The following CNTNAP5 variants were observed in gnomAD, a reference collection of about 807,000 sequenced individuals.
CNTNAP5 encodes the protein contactin associated protein family member 5, also known as contactin-associated protein-like 5.
CNTNAP5 carries 72 observed loss-of-function variants against 150.2 expected under a neutral mutation model. The ratio of observed to expected loss-of-function variants is 0.48; its 90% CI spans 0.40 to 0.58. CNTNAP5 has a LOEUF of 0.58. Among genes scored for constraint, CNTNAP5 ranks in the 20% least tolerant of loss-of-function variants. The probability of loss-of-function intolerance (pLI) is 0.00; values close to 1 mark genes in which losing one functional copy is unlikely to be tolerated. For synonymous variants in CNTNAP5, 672 were observed against 619.8 expected, an observed-to-expected ratio of 1.08 and a Z score of -1.25; for missense variants, 1,636 against 1,626.2, an observed-to-expected ratio of 1.01 and a Z score of -0.10.
chr2:124,250,605 G>A (rs1018943261), intron 3 of CNTNAP5, among the ~76,000 whole-genome samples: 1 of 151,944 alleles, frequency 6.6e-6, no homozygotes, highest in Non-Finnish European at 1.5e-5. Flanking sequence ...ACCCAAGCAG[G>A]CTCATTAGGG....
At chr2:124,126,909 T>G (rs1683718509) in intron 1 of CNTNAP5, among the ~76,000 whole-genome samples, 1 of 152,152 alleles carries the variant, frequency 6.6e-6, no homozygotes, top group African/African-American at 2.4e-5. Flanking sequence ...GGGACGTATC[T>G]CAAAATAATA....
intron 11 of CNTNAP5, among the ~76,000 whole-genome samples, chr2:124,607,026 G>C (rs954508214): frequency 6.6e-6 from 1 of 151,904 alleles, no homozygotes; most frequent in Non-Finnish European, 1.5e-5. Flanking sequence ...GCCATATGTG[G>C]ATTGTGTCTT....
Position 124,220,370 on chromosome 2 carries a change from G to A in CNTNAP5, c.83-1335G>A, listed in dbSNP as rs60680984. Among the ~76,000 whole-genome samples the A allele has an allele frequency of 1.5e-3, 221 of 152,124 alleles. 1 individual carries two copies. The highest frequency in any genetic ancestry group is 4.9e-3 in the African/African-American group (205 of 41,516). On this transcript the variant is annotated intron_variant, in intron 1 of 23. Transcript: ENST00000682447. The stretch of plus-strand genomic sequence containing the variant: ...TAATTGGCTGGTAGATTGACTGATC[G>A]ATCCTGCCTCCCATTCTTTCCTTTC...
At chr2:124,429,023 GA>G (rs1436498310) in intron 4 of CNTNAP5, among the ~76,000 whole-genome samples, 1 of 152,074 alleles carries the variant, frequency 6.6e-6, no homozygotes, top group Non-Finnish European at 1.5e-5. Flanking sequence ...CACAAATAAA[GA>G]TTTTGATTTC....
intron 4 of CNTNAP5, among the ~76,000 whole-genome samples, chr2:124,418,962 G>A (rs1190982918): frequency 6.7e-6 from 1 of 148,946 alleles, no homozygotes; most frequent in African/African-American, 2.5e-5. Flanking sequence ...GTGAAACCCC[G>A]TCTCTACTAA....
chr2:124,875,678 C>T (rs937251460), intron 21 of CNTNAP5, among the ~76,000 whole-genome samples: 3 of 147,466 alleles, frequency 2.0e-5, no homozygotes, highest in South Asian at 4.3e-4. Context: ...GTTGTAGAAA[C>T]GTAAAAGAGA....
At chr2:124,909,563 C>A (rs996434808) in intron 22 of CNTNAP5, among the ~76,000 whole-genome samples, 2 of 151,914 alleles carry the variant, frequency 1.3e-5, no homozygotes, top group African/African-American at 4.8e-5. Context: ...ACAAGAATAA[C>A]AAGCACAGTG....
chr2:124,437,211 G>A (rs185903566), intron 5 of CNTNAP5, among the ~76,000 whole-genome samples: 54 of 152,190 alleles, frequency 3.5e-4, no homozygotes, highest in African/African-American at 1.2e-3. Flanking sequence ...TTAGGAACAG[G>A]GTTTTCATCT....
chr2:124,465,353 AT>A (rs113474559), intron 6 of CNTNAP5, among the ~76,000 whole-genome samples: 1 of 152,084 alleles, frequency 6.6e-6, no homozygotes, highest in African/African-American at 2.4e-5. Context: ...AATACCTGGC[AT>A]TTTTGACCAC....
At chr2:124,594,725 G>A (rs371026360) in intron 11 of CNTNAP5, among the ~76,000 whole-genome samples, 37 of 135,692 alleles carry the variant, frequency 2.7e-4, no homozygotes, top group Non-Finnish European at 4.4e-4. Context: ...AATTACCTTG[G>A]GCAGTATGGC....
At chr2:124,729,938 CT>C (rs1680236313) in intron 13 of CNTNAP5, among the ~76,000 whole-genome samples, 1 of 152,026 alleles carries the variant, frequency 6.6e-6, no homozygotes, top group Non-Finnish European at 1.5e-5. Context: ...CTGAAAGGCC[CT>C]TTAATTGACT....
At position 124,670,172 on chromosome 2, in the gene CNTNAP5, CCTT is replaced by C. The variant is rs1479198878; in HGVS notation, c.2077+22216_2077+22218del. On this transcript the variant is annotated intron_variant, in intron 13 of 23. Transcript: ENST00000682447. ...TCCTTCCTTCCTTCCTTCCTTCCTT[CCTT>C]CCTCCCTCTCTTTCTCTTTCTCTCT... Among the ~76,000 whole-genome samples, 1,269 of 135,400 alleles carry C rather than the reference CCTT, an allele frequency of 9.4e-3. 19 individuals are homozygous for C. Among genetic ancestry groups the C allele is most frequent in the African/African-American group, 0.036 (1,214 of 34,084 alleles). 88.8% of individuals were successfully genotyped at this position (135,400 alleles called of 152,430 possible).
chr2:124,390,681 T>C (rs1261289664), intron 3 of CNTNAP5, among the ~76,000 whole-genome samples: 2 of 152,198 alleles, frequency 1.3e-5, no homozygotes, highest in Non-Finnish European at 2.9e-5. Flanking sequence ...AGCTGTGCAG[T>C]AAATTCATTA....
rs114749576 is a variant in CNTNAP5, at chr2:124,102,873, A to C, written c.82+77141A>C. 8.5e-4 allele frequency among the ~76,000 whole-genome samples: 129 copies of C among 152,310 alleles called. 1 individual carries two copies. Among genetic ancestry groups the C allele is most frequent in the African/African-American group, 2.9e-3 (122 of 41,586 alleles). ...GTTGGTACATGCAAAGTACACAATA[A>C]ATATTAGCTCTTCTTATGTGTGGCT... On this transcript the variant is annotated intron_variant, in intron 1 of 23. Transcript: ENST00000682447.
At chr2:124,343,026 A>C (rs1689656497) in intron 3 of CNTNAP5, among the ~76,000 whole-genome samples, 1 of 152,192 alleles carries the variant, frequency 6.6e-6, no homozygotes, top group Non-Finnish European at 1.5e-5. Context: ...TGAAGAAACA[A>C]CACCTTAGGA....
intron 14 of CNTNAP5, among the ~76,000 whole-genome samples, chr2:124,751,194 C>CTT (rs1680720158): frequency 6.7e-6 from 1 of 149,766 alleles, no homozygotes; most frequent in African/African-American, 2.5e-5. Context: ...AATAAATAAA[C>CTT]AAACTGGTGT....
intron 21 of CNTNAP5, among the ~76,000 whole-genome samples, chr2:124,882,751 T>A (rs1339271740): frequency 6.6e-6 from 1 of 152,012 alleles, no homozygotes; most frequent in Admixed American, 6.6e-5. Context: ...ATTGGGTAAT[T>A]TATAAAGAAA....
At chr2:124,404,364 C>T (rs147439967) in intron 3 of CNTNAP5, among the ~76,000 whole-genome samples, 137 of 152,242 alleles carry the variant, frequency 9.0e-4, no homozygotes, top group Admixed American at 3.3e-3. Flanking sequence ...CAGTGTAGGT[C>T]GGCTGGCTAC....
At chr2:124,100,844 A>G (rs1040923960) in intron 1 of CNTNAP5, among the ~76,000 whole-genome samples, 17 of 149,790 alleles carry the variant, frequency 1.1e-4, no homozygotes, top group Non-Finnish European at 2.1e-4. Context: ...CAGCCTGGGC[A>G]AAAAAGTGAG....
Sources: gnomAD v4.1 joint callset for allele counts (sites outside exome capture counted in the v4.1 genomes callset) on GRCh38, gnomAD v4.1.1 for gene constraint, MANE v1.5 for transcripts, NCBI Gene and HGNC (gene_info 2026-07-23, HGNC 2026-07-21) for gene names.